The following PGPEP1L variants were observed in gnomAD, a reference collection of about 807,000 sequenced individuals.
PGPEP1L encodes the protein pyroglutamyl-peptidase 1-like protein.
PGPEP1L carries 7 observed loss-of-function variants against 6.0 expected under a neutral mutation model. The ratio of observed to expected loss-of-function variants is 1.17; its 90% CI spans 0.66 to 2.19. PGPEP1L has a LOEUF of 2.19. Among genes scored for constraint, PGPEP1L ranks in the 30% most tolerant of loss-of-function variants. PGPEP1L has a pLI of 0.00. For missense variants in PGPEP1L, 209 were observed against 192.5 expected (o/e 1.09, Z -0.51); for synonymous variants, 103 against 83.9 (o/e 1.23, Z -1.24).
intron 1 of PGPEP1L, among the ~76,000 whole-genome samples, chr15:99,006,464 G>C (rs1227062886): frequency 1.3e-5 from 2 of 152,214 alleles, no homozygotes; most frequent in Non-Finnish European, 2.9e-5. Flanking sequence ...GCTAACATTT[G>C]AGGCTATTTC....
At chr15:98,995,613 T>C (rs2017876899) in intron 2 of PGPEP1L, among the ~76,000 whole-genome samples, 1 of 152,184 alleles carries the variant, frequency 6.6e-6, no homozygotes, top group Non-Finnish European at 1.5e-5. Context: ...GGAGAATCTC[T>C]TGAACCTGGG....
chr15:99,005,334 G>A (rs1156731888), intron 2 of PGPEP1L, 95 bp downstream of exon 2: 2 of 152,378 alleles, frequency 1.3e-5, no homozygotes, highest in Admixed American at 1.3e-4. Flanking sequence ...TTTCCCTCAG[G>A]GAACTATTTA....
chr15:98,970,939 C>G (rs1366661021), intron 3 of PGPEP1L, 97 bp downstream of exon 3: 6 of 1,536,250 alleles, frequency 3.9e-6, no homozygotes, highest in Non-Finnish European at 5.3e-6. Context: ...GACGGGGTGC[C>G]CCTCAACCAT....
At chr15:98,985,101 G>A (rs1295309132) in intron 2 of PGPEP1L, among the ~76,000 whole-genome samples, 2 of 152,154 alleles carry the variant, frequency 1.3e-5, no homozygotes, top group Non-Finnish European at 2.9e-5. Context: ...ACTGGACGCA[G>A]AGCTTGAGGA....
chr15:98,968,694 G>C lies in PGPEP1L; in HGVS notation c.213C>G (p.Tyr71Ter), dbSNP rs187167423. 42 of 1,561,484 alleles carry C rather than the reference G, an allele frequency of 2.7e-5. No individual in the cohort carries two copies. The highest frequency in any genetic ancestry group is 3.6e-5 in the Non-Finnish European group (41 of 1,152,640). Residue 71 changes from tyrosine (Y) to a stop codon, truncating the protein, a stop_gained, in exon 5 of 5, where the codon TAC becomes TAG. Coordinates refer to ENST00000535714, the MANE Select transcript of PGPEP1L (RefSeq NM_001167902.2). LOFTEE classifies it low-confidence loss of function (END_TRUNC). The part of the protein sequence containing the change: ...DVIFSRDAGR[Y>*]VCDYTYYLSL... ...ACAGGTAATAGGTATAATCACAGAC[G>C]TATCTGCAACCACAGGAAATGCCAC...
chr15:98,986,009 C>T (rs572554880), intron 2 of PGPEP1L, among the ~76,000 whole-genome samples: 1 of 152,256 alleles, frequency 6.6e-6, no homozygotes, highest in South Asian at 2.1e-4. Flanking sequence ...TCTTTTCTTC[C>T]TCAGATGCCT....
intron 2 of PGPEP1L, among the ~76,000 whole-genome samples, chr15:98,982,966 C>T (rs2017689526): frequency 6.6e-6 from 1 of 151,986 alleles, no homozygotes; most frequent in African/African-American, 2.4e-5. Flanking sequence ...CTGCCTCAGC[C>T]TCCCAAAGTG....
At chr15:98,981,955 C>G (rs189703147) in intron 2 of PGPEP1L, among the ~76,000 whole-genome samples, 1 of 152,154 alleles carries the variant, frequency 6.6e-6, no homozygotes, top group Non-Finnish European at 1.5e-5. Context: ...CAGTAACATC[C>G]GGGAAAAATG....
rs538525820 is a variant in PGPEP1L at position 98,971,213 on chromosome 15, G to A, written c.-141-55C>T. On this transcript the variant is annotated intron_variant, in intron 2 of 4. Transcript: ENST00000535714. ...AGTTGATGGGGGGGGGGGGGGGGTG[G>A]GCACCAAGAGTCCCTGAAAACCCAA... The A allele has an allele frequency of 1.1e-5, 7 of 664,442 alleles. 2 individuals carry two copies. Among genetic ancestry groups the A allele is most frequent in the Non-Finnish European group, 1.6e-5 (7 of 429,544 alleles). 41.2% of individuals were successfully genotyped at this position (664,442 alleles called of 1,614,324 possible).
At chr15:98,991,144 C>G (rs1489794747) in intron 2 of PGPEP1L, among the ~76,000 whole-genome samples, 5 of 151,600 alleles carry the variant, frequency 3.3e-5, no homozygotes, top group Non-Finnish European at 7.4e-5. Context: ...GCATGAAAAA[C>G]CCTTCAAAAA....
intron 4 of PGPEP1L, 94 bp from the exon 5 acceptor site, chr15:98,968,791 T>C: frequency 8.5e-7 from 1 of 1,179,062 alleles, no homozygotes; most frequent in Admixed American, 2.0e-5. Context: ...CCACAAAGCC[T>C]GAGGAGGGAG....
intron 2 of PGPEP1L, among the ~76,000 whole-genome samples, chr15:98,976,238 T>C (rs2017568010): frequency 6.6e-6 from 1 of 152,214 alleles, no homozygotes; most frequent in African/African-American, 2.4e-5. Context: ...ACATCAATGT[T>C]ATACATATTT....
At chr15:98,990,809 T>A (rs1168215831) in intron 2 of PGPEP1L, among the ~76,000 whole-genome samples, 1 of 152,170 alleles carries the variant, frequency 6.6e-6, no homozygotes, top group Non-Finnish European at 1.5e-5. Context: ...ATTAAGAAAC[T>A]CACTCAAAAC....
intron 2 of PGPEP1L, among the ~76,000 whole-genome samples, chr15:98,999,450 A>G (rs2017930091): frequency 6.6e-6 from 1 of 152,240 alleles, no homozygotes; most frequent in African/African-American, 2.4e-5. Flanking sequence ...GGCAAGGATG[A>G]GGAGAAACTA....
At chr15:98,975,963 C>A (rs920556212) in intron 2 of PGPEP1L, among the ~76,000 whole-genome samples, 1 of 150,356 alleles carries the variant, frequency 6.7e-6, no homozygotes, top group African/African-American at 2.5e-5. Flanking sequence ...TGAAATAAGC[C>A]AGATTAAAAA....
intron 2 of PGPEP1L, among the ~76,000 whole-genome samples, chr15:98,982,702 T>TTTTTTTTTTC (rs2017683874): frequency 6.5e-5 from 1 of 15,444 alleles, no homozygotes; most frequent in Non-Finnish European, 1.1e-4. Context: ...ATCTGAGGCT[T>TTTTTTTTTTC]TTTTTTTTTT....
intron 2 of PGPEP1L, among the ~76,000 whole-genome samples, chr15:98,995,324 T>C (rs1333434729): frequency 6.6e-6 from 1 of 152,256 alleles, no homozygotes; most frequent in African/African-American, 2.4e-5. Context: ...TATATATGCA[T>C]ATGCATGTAT....
intron 2 of PGPEP1L, among the ~76,000 whole-genome samples, chr15:98,978,451 T>C (rs2151756975): frequency 6.6e-6 from 1 of 152,262 alleles, no homozygotes; most frequent in East Asian, 1.9e-4. Flanking sequence ...ATCCCAGATT[T>C]GGCATCTGTA....
intron 3 of PGPEP1L, 146 bp downstream of exon 3, chr15:98,970,890 A>G: frequency 8.4e-7 from 1 of 1,189,942 alleles, no homozygotes; most frequent in Middle Eastern, 2.8e-4. Flanking sequence ...AGAACCTTAC[A>G]CAATCAGCTG....
Sources: allele counts gnomAD v4.1 joint callset (sites outside exome capture counted in the v4.1 genomes callset), GRCh38; gene constraint gnomAD v4.1.1; transcripts MANE v1.5; gene names NCBI Gene and HGNC (gene_info 2026-07-23, HGNC 2026-07-21).